Variants in TSPAN31 observed in about 807,000 individuals in gnomAD.
The protein encoded by TSPAN31 is tetraspanin-31.
Under a neutral mutation model 24.8 loss-of-function variants are expected in TSPAN31, and 16 were observed. That is an observed-to-expected ratio of 0.64 (90% CI 0.44 to 0.98). The LOEUF (loss-of-function observed/expected upper bound fraction) is 0.98. Among genes scored for constraint, TSPAN31 ranks in the 50% least tolerant of loss-of-function variants. The probability of loss-of-function intolerance (pLI) is 0.00; values close to 1 mark genes in which losing one functional copy is unlikely to be tolerated. For synonymous variants in TSPAN31, 87 were observed against 91.4 expected (o/e 0.95, Z 0.27); for missense variants, 209 against 251.6 (o/e 0.83, Z 1.15).
rs2140381358 is a variant in TSPAN31 at position 57,748,630 on chromosome 12, G to A, written c.*1340G>A. On this transcript the variant is annotated 3_prime_UTR_variant, in exon 6 of 6. Coordinates refer to ENST00000257910, the MANE Select transcript of TSPAN31 (RefSeq NM_005981.5). ...AAGTCAGCATTTCCTGAGGGGAGAG[G>A]CAAAGGTCAGAAAACCATGAAGAAA... is the stretch of plus-strand genomic sequence containing the variant. The A allele has an allele frequency of 6.3e-7, 1 of 1,584,276 alleles. No homozygotes were observed. The highest frequency in any genetic ancestry group is 1.1e-5 in the South Asian group (1 of 90,478).
intron 1 of TSPAN31, chr12:57,745,479 C>G: frequency 1.6e-6 from 1 of 613,918 alleles, no homozygotes; most frequent in Non-Finnish European, 2.8e-6. Context: ...TCAGTTTCTT[C>G]CAAACTGGAA....
At chr12:57,746,469 T>C in intron 3 of TSPAN31, 120 bp from the exon 4 acceptor site, 1 of 1,323,096 alleles carries the variant, frequency 7.6e-7, no homozygotes, top group Non-Finnish European at 1.1e-6. Context: ...ATCGTGTCTA[T>C]AATTGTTGCA....
In TSPAN31 at chr12:57,747,052, G is replaced by A; in HGVS notation, c.479G>A (p.Cys160Tyr). The A allele has an allele frequency of 6.2e-7, 1 of 1,614,216 alleles. No homozygotes were observed. The highest frequency in any genetic ancestry group is 1.3e-5 in the African/African-American group (1 of 75,050). The change falls in exon 5 of 6, where the codon TGT (cysteine) becomes TAT (tyrosine). Residue 160 changes from cysteine (C) to tyrosine (Y), a missense_variant. Physicochemically the swap from Cys to Tyr is radical, Grantham distance 194 (BLOSUM62 -2). Coordinates refer to ENST00000257910, the MANE Select transcript of TSPAN31 (RefSeq NM_005981.5). Reference sequence around the variant, plus strand: ...AGCCAGAGCCCCACATGCCAGATGTGTGGAGAAAAGTTTCTTAAGCATTCA... The same window carrying A: ...AGCCAGAGCCCCACATGCCAGATGTATGGAGAAAAGTTTCTTAAGCATTCA... ...CKSQSPTCQM[C>Y]GEKFLKHSDE...
chr12:57,746,602 A>G lies in TSPAN31; in HGVS notation c.326A>G (p.Asn109Ser), dbSNP rs142826960. The G allele has an allele frequency of 1.4e-5, 22 of 1,614,054 alleles. No individual in the cohort carries two copies. The highest frequency in any genetic ancestry group is 8.8e-5 in the South Asian group (8 of 91,086). Residue 109 changes from asparagine to serine, a missense_variant, in exon 4 of 6, where the codon AAT becomes AGT. Coordinates refer to ENST00000257910, the MANE Select transcript of TSPAN31 (RefSeq NM_005981.5). Reference protein sequence around the residue: ...INRSKQTDVINASWWVMSNKT... With the variant: ...INRSKQTDVISASWWVMSNKT... ...CATATCTTTCAGACAGATGTCATCA[A>G]TGCTTCTTGGTGGGTCATGAGCAAC...
chr12:57,747,476 G>A lies in TSPAN31; in HGVS notation c.*186G>A. 3.5e-6 allele frequency: 2 copies of A among 575,812 alleles called. No homozygotes were observed. Among genetic ancestry groups the A allele is most frequent in the African/African-American group, 1.9e-5 (1 of 53,532 alleles). The allele number at this position is 575,812 out of a possible 1,614,324, so 35.7% of individuals were successfully genotyped here. On this transcript the variant is annotated 3_prime_UTR_variant, in exon 6 of 6. Coordinates refer to ENST00000257910, the MANE Select transcript of TSPAN31 (RefSeq NM_005981.5). ...TATTTTAGTGGGAGCCAGACTATAAGGAATAAAAGGAAAAACTTTCTTCCT... is the reference window on the plus strand; with the variant it reads ...TATTTTAGTGGGAGCCAGACTATAAAGAATAAAAGGAAAAACTTTCTTCCT...
Position 57,747,285 on chromosome 12 carries a change from C to G in TSPAN31, c.628C>G (p.Leu210Val), listed in dbSNP as rs1218334783. The G allele has an allele frequency of 6.2e-7, 1 of 1,614,078 alleles. No individual in the cohort carries two copies. The highest frequency in any genetic ancestry group is 1.7e-5 in the Admixed American group (1 of 60,016). ...TCCTAGAGCCAACCCCAGTGCCTTT[C>G]TATGAGACTTTGGATCCTTCTGACT... ...KDPRANPSAF[L>V] The change falls in exon 6 of 6, where the codon CTA becomes GTA. Residue 210 changes from leucine (L) to valine (V), a missense_variant. Coordinates refer to ENST00000257910, the MANE Select transcript of TSPAN31 (RefSeq NM_005981.5).
At chr12:57,746,311 C>T (rs1375971806) in intron 3 of TSPAN31, 55 bp downstream of exon 3, 1 of 1,500,436 alleles carries the variant, frequency 6.7e-7, no homozygotes, top group Non-Finnish European at 9.3e-7. Flanking sequence ...TCCTCTTAAC[C>T]TCGAACTCCT....
In TSPAN31 at chr12:57,747,346, T is replaced by G; in HGVS notation, c.*56T>G. 2 of 1,532,160 alleles carry G rather than the reference T, an allele frequency of 1.3e-6. No homozygotes were observed. The highest frequency in any genetic ancestry group is 1.8e-6 in the Non-Finnish European group (2 of 1,109,606). The allele number at this position is 1,532,160 out of a possible 1,614,324, so 94.9% of individuals were successfully genotyped here. A position where few individuals can be genotyped will look rare whatever the true frequency, so the allele number is the denominator to read the frequency against. On this transcript the variant is annotated 3_prime_UTR_variant, in exon 6 of 6. Transcript: ENST00000257910. ...TCTCTCTAAGCTTTCTCTTCCTCCC[T>G]TAGGGAATATCTAGGGTCTGTAACC...
At chr12:57,745,498 ATGATCCTGAGGGTTCATCTTT>A in intron 1 of TSPAN31, 1 of 615,550 alleles carries the variant, frequency 1.6e-6, no homozygotes, top group East Asian at 2.8e-5. Context: ...AAGTGATAGG[ATGATCCTGAGGGTTCATCTTT>A]TGCATTCATA....
Position 57,749,031 on chromosome 12 carries a change from C to A in TSPAN31, c.*1741C>A. The A allele has an allele frequency of 9.9e-7, 1 of 1,005,372 alleles. No individual in the cohort carries two copies. The highest frequency in any genetic ancestry group is 1.4e-5 in the South Asian group (1 of 72,824). 62.3% of individuals were successfully genotyped at this position (1,005,372 alleles called of 1,614,324 possible). On this transcript the variant is annotated 3_prime_UTR_variant, in exon 6 of 6. Transcript: ENST00000257910. The stretch of plus-strand genomic sequence containing the variant: ...AGGATGGGTTCTCTTCTATATCCTT[C>A]TCTGTGGGTGGCTATTTGCAGCTGT...
At position 57,749,518 on chromosome 12, in the gene TSPAN31, G is replaced by A. The variant is rs1179117012; in HGVS notation, c.*2228G>A. Reference sequence around the variant, plus strand: ...CAGAAGAGAGGCCTAAGGTGAGAAGGGATATAAGGTAGCAGTCATTTTCAA... The same window carrying A: ...CAGAAGAGAGGCCTAAGGTGAGAAGAGATATAAGGTAGCAGTCATTTTCAA... On this transcript the variant is annotated 3_prime_UTR_variant, in exon 6 of 6. Transcript: ENST00000257910. 1 of 1,613,528 alleles carries A rather than the reference G, an allele frequency of 6.2e-7. No homozygotes were observed. Among genetic ancestry groups the A allele is most frequent in the South Asian group, 1.1e-5 (1 of 91,070 alleles).
rs1565805299 is a variant in TSPAN31 at position 57,748,670 on chromosome 12, A to C, written c.*1380A>C. The C allele has an allele frequency of 1.7e-6, 2 of 1,190,646 alleles. No individual in the cohort carries two copies. The highest frequency in any genetic ancestry group is 2.5e-6 in the Non-Finnish European group (2 of 795,260). The allele number at this position is 1,190,646 out of a possible 1,614,324, so 73.8% of individuals were successfully genotyped here. A position where few individuals can be genotyped will look rare whatever the true frequency, so the allele number is the denominator to read the frequency against. On this transcript the variant is annotated 3_prime_UTR_variant, in exon 6 of 6. Coordinates refer to ENST00000257910, the MANE Select transcript of TSPAN31 (RefSeq NM_005981.5). ...CCATGAAGAAAACAGACTTCTGCCC[A>C]CCCACAACAATACCTGGGATGAGCT...
At position 57,749,125 on chromosome 12, in the gene TSPAN31, T is replaced by C. The variant is rs1020813195; in HGVS notation, c.*1835T>C. The C allele has an allele frequency of 6.2e-7, 1 of 1,608,334 alleles. No individual in the cohort carries two copies. The highest frequency in any genetic ancestry group is 1.1e-5 in the South Asian group (1 of 90,930). On this transcript the variant is annotated 3_prime_UTR_variant, in exon 6 of 6. Transcript: ENST00000257910. Reference sequence around the variant, plus strand: ...CAGTGGCCAGGGCCCTGCATACTGCTCTATTTCTTTCCCCAGTCTCTATTT... The same window carrying C: ...CAGTGGCCAGGGCCCTGCATACTGCCCTATTTCTTTCCCCAGTCTCTATTT...
intron 3 of TSPAN31, 61 bp from the exon 4 acceptor site, chr12:57,746,528 G>A (rs1955154603): frequency 2.5e-6 from 4 of 1,604,160 alleles, no homozygotes; most frequent in Non-Finnish European, 3.4e-6. Context: ...GGGAAATTGA[G>A]GCACTTGAAC....
rs781701001 is a variant in TSPAN31, at chr12:57,746,270, C to T, written c.312+14C>T. Reference sequence around the variant, plus strand: ...CGAAGCAAACAGGTAAGACAGTACCCTTTCAAGTACTTACTTGCTTTTTAA... The same window carrying T: ...CGAAGCAAACAGGTAAGACAGTACCTTTTCAAGTACTTACTTGCTTTTTAA... On this transcript the variant is annotated intron_variant, in intron 3 of 5. Transcript: ENST00000257910. The T allele has an allele frequency of 5.0e-6, 8 of 1,607,418 alleles. No individual in the cohort carries two copies. Among genetic ancestry groups the T allele is most frequent in the African/African-American group, 1.3e-5 (1 of 74,868 alleles).
Position 57,745,083 on chromosome 12 carries a change from G to A in TSPAN31, c.-72G>A, listed in dbSNP as rs1053195625. On this transcript the variant is annotated 5_prime_UTR_variant, in exon 1 of 6. Coordinates refer to ENST00000257910, the MANE Select transcript of TSPAN31 (RefSeq NM_005981.5). Reference sequence around the variant, plus strand: ...GATTTAAAGAGACAGAAGCTGTCGGGGTCCTGGAAGACGGTCCCCAATACC... The same window carrying A: ...GATTTAAAGAGACAGAAGCTGTCGGAGTCCTGGAAGACGGTCCCCAATACC... 4.3e-6 allele frequency: 6 copies of A among 1,403,336 alleles called. No individual in the cohort carries two copies. Among genetic ancestry groups the A allele is most frequent in the Non-Finnish European group, 4.9e-6 (5 of 1,011,754 alleles). The allele number at this position is 1,403,336 out of a possible 1,614,324, so 86.9% of individuals were successfully genotyped here. A position where few individuals can be genotyped will look rare whatever the true frequency, so the allele number is the denominator to read the frequency against.
At position 57,747,378 on chromosome 12, in the gene TSPAN31, G is replaced by A; in HGVS notation, c.*88G>A. ...ATATCTAGGGTCTGTAACCGTTTTG[G>A]TTTGAGAAAAAGGAAAGGCCCCTTG... On this transcript the variant is annotated 3_prime_UTR_variant, in exon 6 of 6. Coordinates refer to ENST00000257910, the MANE Select transcript of TSPAN31 (RefSeq NM_005981.5). 7.6e-7 allele frequency: 1 copy of A among 1,307,234 alleles called. No individual in the cohort carries two copies. The highest frequency in any genetic ancestry group is 1.1e-6 in the Non-Finnish European group (1 of 939,868). 81.0% of individuals were successfully genotyped at this position (1,307,234 alleles called of 1,614,324 possible).
chr12:57,745,416 G>T, intron 1 of TSPAN31, 199 bp downstream of exon 1: 1 of 637,060 alleles, frequency 1.6e-6, no homozygotes, highest in Non-Finnish European at 2.7e-6. Flanking sequence ...CTGAGGGTGG[G>T]GGAATGAACT....
intron 3 of TSPAN31, 24 bp from the exon 4 acceptor site, chr12:57,746,565 T>C (rs373207851): frequency 1.2e-6 from 2 of 1,613,994 alleles, no homozygotes; most frequent in East Asian, 2.2e-5. Context: ...GGAGACTTAA[T>C]TTCCCTCTAC....
Sources: gnomAD v4.1 joint callset for allele counts on GRCh38, gnomAD v4.1.1 for gene constraint, MANE v1.5 for transcripts, NCBI Gene and HGNC (gene_info 2026-07-23, HGNC 2026-07-21) for gene names.